The following LSAMP variants were observed in gnomAD, a reference collection of about 807,000 sequenced individuals.
LSAMP encodes limbic system-associated membrane protein.
LSAMP carries 7 observed loss-of-function variants against 38.6 expected under a neutral mutation model. The observed-to-expected ratio is 0.18, with a 90% CI of 0.10 to 0.34. The LOEUF is 0.34. Among genes scored for constraint, LSAMP ranks in the 10% least tolerant of loss-of-function variants. The pLI is 1.00. For missense variants in LSAMP, 313 were observed against 420.0 expected, an observed-to-expected ratio of 0.75 and a Z score of 2.23; for synonymous variants, 154 against 166.8, an observed-to-expected ratio of 0.92 and a Z score of 0.59.
chr3:115,804,995 CTGCTT>C lies in LSAMP; in HGVS notation c.*5317_*5321del, dbSNP rs1365309760. ...AGAATCCAGATGGCAAGCTTTCCCA[CTGCTT>C]TTGTTGAATGGAAAATAAAAACTGA... On this transcript the variant is annotated 3_prime_UTR_variant, in exon 7 of 7. Transcript: ENST00000490035. 1 of 152,158 alleles carries C rather than the reference CTGCTT, an allele frequency of 6.6e-6. No homozygotes were observed. The highest frequency in any genetic ancestry group is 1.5e-5 in the Non-Finnish European group (1 of 68,014). 9.4% of individuals were successfully genotyped at this position (152,158 alleles called of 1,614,324 possible). A position where few individuals can be genotyped will look rare whatever the true frequency, so the allele number is the denominator to read the frequency against.
At chr3:116,427,648 TA>T (rs1436087453) in intron 1 of LSAMP, among the ~76,000 whole-genome samples, 26 of 152,142 alleles carry the variant, frequency 1.7e-4, no homozygotes, top group Admixed American at 1.7e-3. Flanking sequence ...TACAAAACGA[TA>T]AATTAAAAAT....
chr3:115,812,089 A>G (rs1312031048), intron 6 of LSAMP, among the ~76,000 whole-genome samples: 1 of 152,244 alleles, frequency 6.6e-6, no homozygotes, highest in African/African-American at 2.4e-5. Context: ...CAAGGAGACA[A>G]CTACTATCAT....
At chr3:116,209,354 C>T (rs943132033) in intron 1 of LSAMP, among the ~76,000 whole-genome samples, 15 of 152,172 alleles carry the variant, frequency 9.9e-5, no homozygotes, top group East Asian at 3.9e-4. Flanking sequence ...AGAAATCATC[C>T]GTCTTCTGCT....
At chr3:116,216,277 C>T (rs2107611635) in intron 1 of LSAMP, among the ~76,000 whole-genome samples, 1 of 152,192 alleles carries the variant, frequency 6.6e-6, no homozygotes, top group South Asian at 2.1e-4. Flanking sequence ...ACTTCCAGAC[C>T]CATCGCTGTC....
At chr3:116,140,769 C>G (rs1345039234) in intron 1 of LSAMP, among the ~76,000 whole-genome samples, 1 of 151,736 alleles carries the variant, frequency 6.6e-6, no homozygotes, top group Non-Finnish European at 1.5e-5. Flanking sequence ...TTAACTGATA[C>G]AGATAAAATG....
intron 3 of LSAMP, among the ~76,000 whole-genome samples, chr3:115,977,729 C>CAAAAA (rs56833385): frequency 3.9e-5 from 5 of 129,782 alleles, no homozygotes; most frequent in East Asian, 2.4e-4. Context: ...AACAGAACAC[C>CAAAAA]AAAAAAAAAA....
chr3:115,901,129 T>A (rs893679490), intron 3 of LSAMP, among the ~76,000 whole-genome samples: 6 of 152,112 alleles, frequency 3.9e-5, no homozygotes, highest in African/African-American at 1.4e-4. Context: ...TCTCTGCTAT[T>A]AGCTGCTCTG....
chr3:116,287,722 T>C (rs1481377948), intron 1 of LSAMP, among the ~76,000 whole-genome samples: 1 of 152,200 alleles, frequency 6.6e-6, no homozygotes, highest in African/African-American at 2.4e-5. Context: ...TATCTAACTT[T>C]ACCAACCTCA....
At chr3:116,285,288 A>G (rs2047179064) in intron 1 of LSAMP, among the ~76,000 whole-genome samples, 1 of 152,078 alleles carries the variant, frequency 6.6e-6, no homozygotes, top group Non-Finnish European at 1.5e-5. Context: ...TGATTGGCCT[A>G]TGTCTCTACA....
intron 1 of LSAMP, among the ~76,000 whole-genome samples, chr3:116,218,448 T>G (rs2046245896): frequency 6.6e-6 from 1 of 152,182 alleles, no homozygotes; most frequent in South Asian, 2.1e-4. Context: ...CTTAAACCAC[T>G]CCTCGCCACC....
chr3:116,056,907 G>T (rs1489272970), intron 2 of LSAMP, among the ~76,000 whole-genome samples: 1 of 152,070 alleles, frequency 6.6e-6, no homozygotes, highest in African/African-American at 2.4e-5. Context: ...GTACTGAGTG[G>T]TATCTCAGAT....
At chr3:115,827,515 A>G (rs1049145352) in intron 6 of LSAMP, among the ~76,000 whole-genome samples, 3 of 152,180 alleles carry the variant, frequency 2.0e-5, no homozygotes, top group African/African-American at 7.2e-5. Flanking sequence ...GCTGTGATTG[A>G]TAGTAAAGAG....
intron 2 of LSAMP, among the ~76,000 whole-genome samples, chr3:116,025,481 T>A (rs1191776884): frequency 6.6e-6 from 1 of 152,190 alleles, no homozygotes; most frequent in African/African-American, 2.4e-5. Flanking sequence ...TCTTTTGTTA[T>A]TTCTTCCATT....
At chr3:116,389,101 G>GT (rs1559850618) in intron 1 of LSAMP, among the ~76,000 whole-genome samples, 1 of 152,134 alleles carries the variant, frequency 6.6e-6, no homozygotes, top group African/African-American at 2.4e-5. Context: ...TGGGAAAAAG[G>GT]TTTTTAGCAG....
chr3:115,916,533 T>C (rs1337597191), intron 3 of LSAMP, among the ~76,000 whole-genome samples: 2 of 152,212 alleles, frequency 1.3e-5, no homozygotes, highest in South Asian at 2.1e-4. Flanking sequence ...AAAATCTCCA[T>C]GGTGTTTTGT....
At chr3:116,028,658 C>T (rs1576318190) in intron 2 of LSAMP, among the ~76,000 whole-genome samples, 1 of 152,140 alleles carries the variant, frequency 6.6e-6, no homozygotes, top group East Asian at 1.9e-4. Context: ...GACAAATGTA[C>T]CTATTATTTA....
chr3:116,258,596 G>A (rs909494491), intron 1 of LSAMP, among the ~76,000 whole-genome samples: 2 of 152,020 alleles, frequency 1.3e-5, no homozygotes, highest in African/African-American at 2.4e-5. Flanking sequence ...ATCAGGTGAT[G>A]GAAATTTCTT....
intron 1 of LSAMP, among the ~76,000 whole-genome samples, chr3:116,212,248 G>C (rs934044699): frequency 1.3e-5 from 2 of 152,150 alleles, no homozygotes; most frequent in African/African-American, 4.8e-5. Context: ...GCAAAGTTCA[G>C]TTCTAGGTGC....
At chr3:116,415,424 G>A (rs993346381) in intron 1 of LSAMP, among the ~76,000 whole-genome samples, 2 of 152,136 alleles carry the variant, frequency 1.3e-5, no homozygotes, top group African/African-American at 4.8e-5. Flanking sequence ...AAATTTTGGA[G>A]GACAGAGTTA....
Sources: allele counts gnomAD v4.1 joint callset (sites outside exome capture counted in the v4.1 genomes callset), GRCh38; gene constraint gnomAD v4.1.1; transcripts MANE v1.5; gene names NCBI Gene and HGNC (gene_info 2026-07-23, HGNC 2026-07-21).